FRAS1: variants seen among roughly 807,000 people sequenced by gnomAD.
FRAS1 encodes Fraser extracellular matrix complex subunit 1.
Under a neutral mutation model 435.2 loss-of-function variants are expected in FRAS1, and 290 were observed. The observed-to-expected ratio is 0.67, with a 90% CI of 0.61 to 0.73. The LOEUF (loss-of-function observed/expected upper bound fraction) is 0.73, where lower values mean the gene tolerates loss of function less well. Among genes scored for constraint, FRAS1 ranks in the 30% least tolerant of loss-of-function variants. The probability of loss-of-function intolerance (pLI) is 0.00; values close to 1 mark genes in which losing one functional copy is unlikely to be tolerated. For synonymous variants in FRAS1, 1,800 were observed against 1,851.0 expected (o/e 0.97, Z 0.71); for missense variants, 4,860 against 5,001.5 (o/e 0.97, Z 0.85).
chr4:78,380,095 T>C, intron 27 of FRAS1, 99 bp downstream of exon 27: 1 of 1,334,488 alleles, frequency 7.5e-7, no homozygotes, highest in Non-Finnish European at 1.0e-6. Flanking sequence ...TAGCTAACCC[T>C]TCTCATCTGG....
At chr4:78,221,539 T>C (rs540447459) in intron 2 of FRAS1, among the ~76,000 whole-genome samples, 1 of 152,356 alleles carries the variant, frequency 6.6e-6, no homozygotes, top group South Asian at 2.1e-4. Flanking sequence ...ATAAACCAGT[T>C]GGTATGCCTT....
At chr4:78,186,459 GC>G (rs1228738246) in intron 2 of FRAS1, among the ~76,000 whole-genome samples, 5 of 152,140 alleles carry the variant, frequency 3.3e-5, no homozygotes, top group Non-Finnish European at 7.3e-5. Context: ...TTAATTTGGA[GC>G]CACCGTATTA....
chr4:78,295,896 C>T (rs137919746), intron 14 of FRAS1, among the ~76,000 whole-genome samples: 9 of 151,968 alleles, frequency 5.9e-5, no homozygotes, highest in African/African-American at 2.2e-4. Flanking sequence ...CAGGGGTGTG[C>T]CACCACACCT....
At chr4:78,395,211 T>A (rs78053422) in intron 29 of FRAS1, among the ~76,000 whole-genome samples, 3,587 of 152,048 alleles carry the variant, frequency 0.024, 158 homozygotes, top group African/African-American at 0.08. Context: ...CTGGCTGGGA[T>A]GGCCAAAGAA....
intron 18 of FRAS1, among the ~76,000 whole-genome samples, chr4:78,330,513 G>A (rs1030260196): frequency 6.6e-6 from 1 of 152,214 alleles, no homozygotes; most frequent in Non-Finnish European, 1.5e-5. Context: ...TCTTTCAAAA[G>A]CAAATGGGAG....
At chr4:78,409,272 ATAAT>A (rs1733230850) in intron 31 of FRAS1, among the ~76,000 whole-genome samples, 1 of 151,924 alleles carries the variant, frequency 6.6e-6, no homozygotes, top group Admixed American at 6.6e-5. Context: ...GGTCTCTTAA[ATAAT>A]TACTAGGAAA....
intron 5 of FRAS1, among the ~76,000 whole-genome samples, chr4:78,254,082 AT>A (rs1205936390): frequency 2.0e-5 from 3 of 151,942 alleles, no homozygotes; most frequent in Non-Finnish European, 4.4e-5. Flanking sequence ...AGACACCCAG[AT>A]TTTGTTCAGC....
At chr4:78,433,927 T>C (rs988378120) in intron 38 of FRAS1, among the ~76,000 whole-genome samples, 9 of 152,338 alleles carry the variant, frequency 5.9e-5, no homozygotes, top group South Asian at 2.1e-4. Flanking sequence ...ATTGATTGAA[T>C]GTGAATTTAC....
At chr4:78,179,541 A>G (rs796116315) in intron 2 of FRAS1, among the ~76,000 whole-genome samples, 1 of 152,260 alleles carries the variant, frequency 6.6e-6, no homozygotes, top group South Asian at 2.1e-4. Flanking sequence ...TCCCTGCTCC[A>G]GAAAATATAT....
At chr4:78,145,526 A>T (rs993999777) in intron 2 of FRAS1, among the ~76,000 whole-genome samples, 1 of 152,166 alleles carries the variant, frequency 6.6e-6, no homozygotes, top group Non-Finnish European at 1.5e-5. Flanking sequence ...CTCTGAGGTG[A>T]GCTCATTGAA....
intron 18 of FRAS1, among the ~76,000 whole-genome samples, chr4:78,320,700 G>T (rs1729470203): frequency 1.3e-5 from 2 of 152,024 alleles, no homozygotes; most frequent in Admixed American, 6.6e-5. Flanking sequence ...TACAGAAGTG[G>T]TTTTTGTTTG....
At chr4:78,092,597 A>G (rs963148761) in intron 2 of FRAS1, among the ~76,000 whole-genome samples, 1 of 152,294 alleles carries the variant, frequency 6.6e-6, no homozygotes, top group South Asian at 2.1e-4. Flanking sequence ...CCTACAACAC[A>G]TGGAAATTAT....
chr4:78,424,465 T>C (rs1296761612), intron 35 of FRAS1, 45 bp downstream of exon 35: 1 of 993,642 alleles, frequency 1.0e-6, no homozygotes. Context: ...ATTTTTTCTT[T>C]CCTTATTAGT....
At chr4:78,178,932 C>G (rs1300992089) in intron 2 of FRAS1, among the ~76,000 whole-genome samples, 1 of 152,144 alleles carries the variant, frequency 6.6e-6, no homozygotes, top group Non-Finnish European at 1.5e-5. Context: ...TTCCCACCCC[C>G]TAACTACCGC....
chr4:78,261,382 G>A (rs1387530185), intron 6 of FRAS1, among the ~76,000 whole-genome samples: 1 of 152,084 alleles, frequency 6.6e-6, no homozygotes, highest in South Asian at 2.1e-4. Flanking sequence ...TCTTTAGAGT[G>A]TTACTCCTTT....
In FRAS1 at chr4:78,430,965, A is replaced by G. The variant is rs1353621599; in HGVS notation, c.4969+548A>G. 5.9e-5 allele frequency among the ~76,000 whole-genome samples: 9 copies of G among 152,232 alleles called. No individual in the cohort carries two copies. The East Asian group carries it at 1.7e-3, about 29-fold the overall frequency. On this transcript the variant is annotated intron_variant, in intron 37 of 73. Coordinates refer to ENST00000512123, the MANE Select transcript of FRAS1 (RefSeq NM_025074.7). ...TGATTATAAAAAATAATATATGTTT[A>G]TTATTTAGAAGGTACAGAAAAACAC... is the stretch of plus-strand genomic sequence containing the variant.
chr4:78,166,918 T>C (rs1353620885), intron 2 of FRAS1, among the ~76,000 whole-genome samples: 1 of 152,198 alleles, frequency 6.6e-6, no homozygotes, highest in Non-Finnish European at 1.5e-5. Flanking sequence ...CTGGGAGCCA[T>C]AGATTGTCTT....
At chr4:78,285,902 C>A (rs374145017) in intron 13 of FRAS1, among the ~76,000 whole-genome samples, 1 of 152,186 alleles carries the variant, frequency 6.6e-6, no homozygotes, top group Non-Finnish European at 1.5e-5. Context: ...TTATTCACTC[C>A]TCCATACTTT....
At position 78,479,450 on chromosome 4, in the gene FRAS1, A is replaced by G. The variant is rs1227696319; in HGVS notation, c.8175A>G (p.Leu2725=). Residue 2725 remains leucine (L), a synonymous_variant, in exon 56 of 74, where the codon CTA becomes CTG. Coordinates refer to ENST00000512123, the MANE Select transcript of FRAS1 (RefSeq NM_025074.7). ...KSAMGSSLYA[L]ESGSDFKSRG... is the part of the protein sequence containing the mutation. ...CTATGGGAAGTAGCCTCTATGCTCT[A>G]GAATCAGGCTCTGATTTTAAATCTA... 3 of 1,602,540 alleles carry G rather than the reference A, an allele frequency of 1.9e-6. No homozygotes were observed. Among genetic ancestry groups the G allele is most frequent in the Non-Finnish European group, 2.6e-6 (3 of 1,172,728 alleles).
Sources: allele counts gnomAD v4.1 joint callset (sites outside exome capture counted in the v4.1 genomes callset), GRCh38; gene constraint gnomAD v4.1.1; transcripts MANE v1.5; gene names NCBI Gene and HGNC (gene_info 2026-07-23, HGNC 2026-07-21).